The following APBA2 variants were observed in gnomAD, a reference collection of about 807,000 sequenced individuals.
APBA2 encodes the protein amyloid beta precursor protein binding family A member 2, also known as amyloid-beta A4 precursor protein-binding family A member 2.
In APBA2, 30 loss-of-function variants were observed where a neutral mutation model predicts 75.0. The observed-to-expected ratio is 0.40, with a 90% CI of 0.30 to 0.54. The LOEUF is 0.54. Ranked by LOEUF, APBA2 falls within the 20% of genes least tolerant of loss-of-function variation. The pLI is 0.49. For missense variants in APBA2, 801 were observed against 1,016.1 expected (o/e 0.79, Z 2.88); for synonymous variants, 444 against 409.6 (o/e 1.08, Z -1.01).
rs564804281 is a variant in APBA2, at chr15:28,903,702, C to T, written c.-205+17424C>T. ...CACTGCCTCCCTACAGTCCAGCTTG[C>T]GGCTGGCAATGACATCCACTTTGCA... On this transcript the variant is annotated intron_variant, in intron 1 of 14. Transcript: ENST00000683413. Among the ~76,000 whole-genome samples, 25 of 152,248 alleles carry T rather than the reference C, an allele frequency of 1.6e-4. 1 individual carries two copies. The South Asian group carries it at 4.4e-3, about 27-fold the overall frequency.
chr15:28,941,344 A>G (rs1013501645), intron 2 of APBA2, among the ~76,000 whole-genome samples: 1 of 152,128 alleles, frequency 6.6e-6, no homozygotes, highest in Non-Finnish European at 1.5e-5. Flanking sequence ...CCCTATTCTA[A>G]CAGGGATCTC....
chr15:28,950,750 G>C (rs1040134173), intron 2 of APBA2, among the ~76,000 whole-genome samples: 2 of 152,184 alleles, frequency 1.3e-5, no homozygotes, highest in Non-Finnish European at 2.9e-5. Flanking sequence ...TCCTTCATGG[G>C]GGGTGGGGAT....
rs1451993191 is a variant in APBA2, at chr15:29,054,873, G to T, written c.951+38G>T. On this transcript the variant is annotated intron_variant, in intron 4 of 14. Coordinates refer to ENST00000683413, the MANE Select transcript of APBA2 (RefSeq NM_001353788.2). The surrounding 1 kb of genome is among the most constrained non-coding windows in gnomAD (Gnocchi z 6.1). ...CTGTCCTGGGGAAGGGAGCAGAGGG[G>T]CCCGAGAGCAAGGGACCTCAGGGTA... 5 of 1,571,164 alleles carry T rather than the reference G, an allele frequency of 3.2e-6. No individual in the cohort carries two copies. In the East Asian group the frequency reaches 9.1e-5, roughly 28 times the overall value.
At chr15:28,984,674 T>C (rs2037804623) in intron 2 of APBA2, among the ~76,000 whole-genome samples, 1 of 151,408 alleles carries the variant, frequency 6.6e-6, no homozygotes, top group Non-Finnish European at 1.5e-5. Context: ...AGCTGCTGTA[T>C]ATCTCTCTCT....
chr15:28,952,971 A>C (rs1010730573), intron 2 of APBA2, among the ~76,000 whole-genome samples: 1 of 152,212 alleles, frequency 6.6e-6, no homozygotes, highest in Non-Finnish European at 1.5e-5. Flanking sequence ...TTTGTATGAC[A>C]TAAATGTCAA....
intron 14 of APBA2, among the ~76,000 whole-genome samples, chr15:29,116,582 T>C (rs987072165): frequency 6.7e-6 from 1 of 148,866 alleles, no homozygotes; most frequent in Non-Finnish European, 1.5e-5. Context: ...GAGCCGAGAT[T>C]GCACCACTGC....
intron 2 of APBA2, among the ~76,000 whole-genome samples, chr15:28,956,655 C>T (rs1281344862): frequency 1.3e-5 from 2 of 152,066 alleles, no homozygotes; most frequent in Non-Finnish European, 2.9e-5. Context: ...GTGCAACCAT[C>T]ACCCCATCCA....
rs565384335 is a variant in APBA2, at chr15:28,943,585, G to A, written c.-95+21836G>A. On this transcript the variant is annotated intron_variant, in intron 2 of 14. Transcript: ENST00000683413. ...AGCTGGGAGGTGAGAGTTGTGAGTT[G>A]CAGATGTCTCAGCCATCCCGAGCGT... is the stretch of plus-strand genomic sequence containing the variant. Among the ~76,000 whole-genome samples the A allele has an allele frequency of 7.2e-4, 109 of 152,126 alleles. 2 individuals carry two copies. In the South Asian group the frequency reaches 0.02, roughly 28 times the overall value.
At chr15:29,102,431 TTTG>T (rs1441456518) in intron 10 of APBA2, 1 of 154,884 alleles carries the variant, frequency 6.5e-6, no homozygotes, top group Non-Finnish European at 1.4e-5. Flanking sequence ...GTGAGCCAGT[TTTG>T]TGGCTGTTGC....
At chr15:28,971,475 T>G (rs2037065693) in intron 2 of APBA2, among the ~76,000 whole-genome samples, 1 of 152,182 alleles carries the variant, frequency 6.6e-6, no homozygotes, top group African/African-American at 2.4e-5. Flanking sequence ...AGCAGCGGCC[T>G]GGTCCCACCC....
chr15:28,897,617 C>CGAA (rs1555369423), intron 1 of APBA2, among the ~76,000 whole-genome samples: 2 of 78,798 alleles, frequency 2.5e-5, no homozygotes, highest in Non-Finnish European at 4.6e-5. Context: ...GATTCCGTCT[C>CGAA]AAAAAAAAAA....
intron 2 of APBA2, among the ~76,000 whole-genome samples, chr15:28,977,651 T>C (rs1320811542): frequency 6.6e-6 from 1 of 152,126 alleles, no homozygotes; most frequent in African/African-American, 2.4e-5. Flanking sequence ...GTGACCTCTG[T>C]CCAGCACATA....
At position 28,987,346 on chromosome 15, in the gene APBA2, G is replaced by A. The variant is rs140291932; in HGVS notation, c.-94-8407G>A. On this transcript the variant is annotated intron_variant, in intron 2 of 14. Coordinates refer to ENST00000683413, the MANE Select transcript of APBA2 (RefSeq NM_001353788.2). ...AATATGGAAGCAGCTGAGCTGGGTG[G>A]TTCTAGTGGAGGGGAAAGATGTGAG... is the stretch of plus-strand genomic sequence containing the variant. 4.9e-3 allele frequency among the ~76,000 whole-genome samples: 744 copies of A among 152,236 alleles called. 7 individuals carry two copies. The highest frequency in any genetic ancestry group is 0.034 in the South Asian group (164 of 4,820).
intron 2 of APBA2, among the ~76,000 whole-genome samples, chr15:28,985,902 T>A (rs1022272601): frequency 5.3e-5 from 8 of 152,196 alleles, no homozygotes; most frequent in African/African-American, 1.9e-4. Context: ...TCCTTCCTGA[T>A]GGCTTCAGGA....
chr15:28,961,684 C>T (rs539908907), intron 2 of APBA2: 38 of 152,198 alleles, frequency 2.5e-4, no homozygotes, highest in African/African-American at 8.9e-4. Context: ...AGAAGCCTGT[C>T]ACAGGTGAGG....
At chr15:29,084,485 A>G (rs1007505054) in intron 6 of APBA2, among the ~76,000 whole-genome samples, 1 of 152,238 alleles carries the variant, frequency 6.6e-6, no homozygotes, top group Non-Finnish European at 1.5e-5. Context: ...TTCTAAAGCA[A>G]ATCTCAGATC....
intron 2 of APBA2, among the ~76,000 whole-genome samples, chr15:28,940,707 G>A (rs1166892285): frequency 6.6e-6 from 1 of 152,192 alleles, no homozygotes; most frequent in Non-Finnish European, 1.5e-5. Context: ...CCCGGGTCAT[G>A]TCTTGAAATT....
chr15:28,908,356 G>T (rs1221484719), intron 1 of APBA2, among the ~76,000 whole-genome samples: 1 of 147,810 alleles, frequency 6.8e-6, no homozygotes, highest in African/African-American at 2.7e-5. Flanking sequence ...TGTCGCCCAG[G>T]CTGGAGTACA....
chr15:29,048,941 C>CAA (rs58925070), intron 3 of APBA2, among the ~76,000 whole-genome samples: 8 of 110,000 alleles, frequency 7.3e-5, no homozygotes, highest in African/African-American at 1.6e-4. Context: ...GACTCAGTCT[C>CAA]AAAAAAAAAA....
Sources: gnomAD v4.1 joint callset for allele counts (sites outside exome capture counted in the v4.1 genomes callset) on GRCh38, gnomAD v4.1.1 for gene constraint, Gnocchi (gnomAD v3.1) non-coding constraint, MANE v1.5 for transcripts, NCBI Gene and HGNC (gene_info 2026-07-23, HGNC 2026-07-21) for gene names.